PTPRD: variants seen among roughly 807,000 people sequenced by gnomAD.
The protein encoded by PTPRD is protein tyrosine phosphatase receptor type D, also known as receptor-type tyrosine-protein phosphatase delta.
A neutral mutation model predicts 214.5 loss-of-function variants in PTPRD; 34 were observed. The ratio of observed to expected loss-of-function variants is 0.16; its 90% confidence interval spans 0.12 to 0.21. The LOEUF (loss-of-function observed/expected upper bound fraction) is 0.21, where lower values mean the gene tolerates loss of function less well. Ranked by LOEUF, PTPRD falls within the 10% of genes least tolerant of loss-of-function variation. The pLI is 1.00. For missense variants in PTPRD, 2,545 were observed against 2,398.7 expected, an observed-to-expected ratio of 1.06 and a Z score of -1.27; for synonymous variants, 1,128 against 845.7, an observed-to-expected ratio of 1.33 and a Z score of -5.79.
intron 10 of PTPRD, among the ~76,000 whole-genome samples, chr9:9,124,430 C>A (rs2099822392): frequency 1.3e-5 from 2 of 152,054 alleles, no homozygotes; most frequent in African/African-American, 4.8e-5. Context: ...AATATATTTA[C>A]TGATGCATTT....
rs545303796 is a variant in PTPRD at position 8,433,095 on chromosome 9, T to C, written c.4086+3497A>G. ...CTTGAGTGATGGTTTTATAGCCATG[T>C]GCTGCATAATGACATTTCAGTCCAC... On this transcript the variant is annotated intron_variant, in intron 35 of 45. Coordinates refer to ENST00000381196, the MANE Select transcript of PTPRD (RefSeq NM_002839.4). 6.6e-5 allele frequency among the ~76,000 whole-genome samples: 10 copies of C among 152,350 alleles called. No homozygotes were observed. In the South Asian group the frequency reaches 2.1e-3, roughly 32 times the overall value.
intron 8 of PTPRD, among the ~76,000 whole-genome samples, chr9:9,433,286 A>C (rs1230481915): frequency 2.0e-5 from 3 of 152,162 alleles, no homozygotes; most frequent in Non-Finnish European, 4.4e-5. Context: ...TGAAGTGTTG[A>C]TCTGGGATCA....
intron 9 of PTPRD, among the ~76,000 whole-genome samples, chr9:9,302,601 C>CTTTTTTTTTTTTTTTTTTTTTTTTTT (rs3047853): frequency 1.8e-4 from 20 of 111,886 alleles, no homozygotes; most frequent in East Asian, 5.5e-4. Context: ...TTTTTTTTTT[C>CTTTTTTTTTTTTTTTTTTTTTTTTTT]TTTTTTTTTT....
intron 11 of PTPRD, among the ~76,000 whole-genome samples, chr9:8,740,875 T>C (rs1477279865): frequency 6.6e-6 from 1 of 152,170 alleles, no homozygotes; most frequent in African/African-American, 2.4e-5. Context: ...CACACAATGA[T>C]TCTTTGAAGA....
chr9:10,521,270 A>C (rs537119818), intron 2 of PTPRD, among the ~76,000 whole-genome samples: 154 of 152,198 alleles, frequency 1.0e-3, no homozygotes, highest in Non-Finnish European at 1.7e-3. Context: ...GTTACTACAG[A>C]GGTGGTGGAA....
At chr9:10,370,910 G>T (rs1016316932) in intron 2 of PTPRD, among the ~76,000 whole-genome samples, 4 of 151,952 alleles carry the variant, frequency 2.6e-5, no homozygotes, top group Non-Finnish European at 5.9e-5. Context: ...GTGTTCAGAG[G>T]AGTTAAACAT....
At chr9:9,943,525 A>G (rs532719110) in intron 4 of PTPRD, among the ~76,000 whole-genome samples, 1 of 152,192 alleles carries the variant, frequency 6.6e-6, no homozygotes, top group African/African-American at 2.4e-5. Context: ...TTCATGGAAC[A>G]TATCTTCTAG....
chr9:10,311,710 T>C (rs1199867459), intron 3 of PTPRD, among the ~76,000 whole-genome samples: 2 of 152,070 alleles, frequency 1.3e-5, no homozygotes, highest in African/African-American at 4.8e-5. Flanking sequence ...AGTAGTGGCA[T>C]TGTATTATTC....
intron 7 of PTPRD, among the ~76,000 whole-genome samples, chr9:9,718,412 T>G (rs542248594): frequency 6.6e-6 from 1 of 152,148 alleles, no homozygotes; most frequent in African/African-American, 2.4e-5. Context: ...GCTGGGGCTG[T>G]GTGCTCCATG....
chr9:9,125,287 C>T lies in PTPRD; in HGVS notation c.-143+58017G>A, dbSNP rs1310576172. Among the ~76,000 whole-genome samples the T allele has an allele frequency of 3.3e-5, 5 of 152,254 alleles. No homozygotes were observed. In the South Asian group the frequency reaches 6.2e-4, roughly 19 times the overall value. On this transcript the variant is annotated intron_variant, in intron 10 of 45. Coordinates refer to ENST00000381196, the MANE Select transcript of PTPRD (RefSeq NM_002839.4). ...CTAGCCAAACTTCCTGTCATGGGAGCACCTCGCTGCCAGAGAAGGGCTGAT... is the reference window on the plus strand; with the variant it reads ...CTAGCCAAACTTCCTGTCATGGGAGTACCTCGCTGCCAGAGAAGGGCTGAT...
At chr9:10,106,013 C>CAAAAAAAA (rs35421883) in intron 3 of PTPRD, among the ~76,000 whole-genome samples, 10 of 56,650 alleles carry the variant, frequency 1.8e-4, no homozygotes, top group East Asian at 5.6e-4. Context: ...ATCACATATT[C>CAAAAAAAA]AAAAAAAAAA....
Position 8,316,606 on chromosome 9 carries a change from C to G in PTPRD, c.*1268G>C, listed in dbSNP as rs982143052. 2.2e-5 allele frequency: 5 copies of G among 230,860 alleles called. No homozygotes were observed. Among genetic ancestry groups the G allele is most frequent in the Non-Finnish European group, 4.3e-5 (5 of 116,362 alleles). 14.3% of individuals were successfully genotyped at this position (230,860 alleles called of 1,614,324 possible). ...GCACTGACCTTTCCCACATGCACAC[C>G]TCTTAGCTATTTAATAATAATTTTT... On this transcript the variant is annotated 3_prime_UTR_variant, in exon 46 of 46. Transcript: ENST00000381196.
At chr9:10,114,679 T>A (rs1357470215) in intron 3 of PTPRD, among the ~76,000 whole-genome samples, 1 of 152,092 alleles carries the variant, frequency 6.6e-6, no homozygotes, top group East Asian at 1.9e-4. Flanking sequence ...CCCACATGCA[T>A]ATATAGATAA....
chr9:9,118,963 T>C (rs913553306), intron 10 of PTPRD, among the ~76,000 whole-genome samples: 1 of 152,164 alleles, frequency 6.6e-6, no homozygotes, highest in African/African-American at 2.4e-5. Flanking sequence ...CCTAAAGTTG[T>C]AGTAGCGGAC....
intron 12 of PTPRD, among the ~76,000 whole-genome samples, chr9:8,721,559 AAATT>A (rs1455020580): frequency 1.6e-4 from 24 of 152,314 alleles, no homozygotes; most frequent in Non-Finnish European, 2.9e-4. Flanking sequence ...AATATTAACA[AAATT>A]AATATACCAT....
intron 4 of PTPRD, among the ~76,000 whole-genome samples, chr9:9,997,285 ATT>A (rs60029845): frequency 2.7e-4 from 39 of 143,320 alleles, no homozygotes; most frequent in South Asian, 6.7e-4. Context: ...AAGATAAGCA[ATT>A]TTTTTTTTTT....
At chr9:8,407,327 T>C (rs7852683) in intron 35 of PTPRD, among the ~76,000 whole-genome samples, 105,353 of 152,026 alleles carry the variant, frequency 0.69, 36,911 homozygotes, top group East Asian at 0.8. Flanking sequence ...ATTTGGCAGG[T>C]GAGAAAACTG....
chr9:8,813,243 G>C (rs1031723074), intron 11 of PTPRD, among the ~76,000 whole-genome samples: 1 of 151,982 alleles, frequency 6.6e-6, no homozygotes, highest in African/African-American at 2.4e-5. Flanking sequence ...GACCAGACGA[G>C]GAGGAAGCAT....
chr9:9,041,548 T>C (rs2099639908), intron 10 of PTPRD, among the ~76,000 whole-genome samples: 1 of 152,214 alleles, frequency 6.6e-6, no homozygotes, highest in East Asian at 1.9e-4. Context: ...TATGATCTCA[T>C]TCTTTTTGAT....
Sources: allele counts gnomAD v4.1 joint callset (sites outside exome capture counted in the v4.1 genomes callset), GRCh38; gene constraint gnomAD v4.1.1; transcripts MANE v1.5; gene names NCBI Gene and HGNC (gene_info 2026-07-23, HGNC 2026-07-21).